Variants in GALNTL6 observed in about 807,000 individuals in gnomAD.
GALNTL6 encodes polypeptide N-acetylgalactosaminyltransferase-like 6.
In GALNTL6, 46 loss-of-function variants were observed where a neutral mutation model predicts 73.7. The ratio of observed to expected loss-of-function variants is 0.62; its 90% CI spans 0.49 to 0.80. The LOEUF (loss-of-function observed/expected upper bound fraction) is 0.80, where lower values mean the gene tolerates loss of function less well. Ranked by LOEUF, GALNTL6 falls within the 30% of genes least tolerant of loss-of-function variation. The pLI is 0.00. For missense variants in GALNTL6, 604 were observed against 755.0 expected (o/e 0.80, Z 2.34); for synonymous variants, 259 against 263.7 (o/e 0.98, Z 0.17).
chr4:171,995,591 C>T (rs1740462550), intron 2 of GALNTL6, among the ~76,000 whole-genome samples: 2 of 151,906 alleles, frequency 1.3e-5, no homozygotes, highest in Non-Finnish European at 2.9e-5. Context: ...CAGTCTTTCC[C>T]ACTTTTAGAA....
At chr4:172,444,618 G>T (rs1055868957) in intron 5 of GALNTL6, among the ~76,000 whole-genome samples, 3 of 152,110 alleles carry the variant, frequency 2.0e-5, no homozygotes, top group Non-Finnish European at 2.9e-5. Context: ...AAGTTGCTGT[G>T]CCATGATATG....
At chr4:172,282,227 G>A (rs1355586882) in intron 3 of GALNTL6, among the ~76,000 whole-genome samples, 1 of 152,142 alleles carries the variant, frequency 6.6e-6, no homozygotes, top group Admixed American at 6.5e-5. Context: ...AGAGATTTAA[G>A]CAAGACTTTC....
chr4:172,017,938 A>G (rs1741261529), intron 2 of GALNTL6, among the ~76,000 whole-genome samples: 1 of 151,552 alleles, frequency 6.6e-6, no homozygotes, highest in South Asian at 2.1e-4. Context: ...TCTGAAAATC[A>G]TCAGTGAGAA....
At chr4:171,898,354 G>C (rs1216253200) in intron 2 of GALNTL6, among the ~76,000 whole-genome samples, 1 of 151,892 alleles carries the variant, frequency 6.6e-6, no homozygotes, top group Non-Finnish European at 1.5e-5. Flanking sequence ...CTTATTCCTA[G>C]GTATCTACCC....
At chr4:171,826,280 A>T (rs968043431) in intron 2 of GALNTL6, among the ~76,000 whole-genome samples, 2 of 152,122 alleles carry the variant, frequency 1.3e-5, no homozygotes, top group Non-Finnish European at 2.9e-5. Flanking sequence ...TCATGTCATA[A>T]AACCAGAAAG....
intron 2 of GALNTL6, among the ~76,000 whole-genome samples, chr4:171,898,277 A>G (rs1295300147): frequency 2.0e-5 from 3 of 152,126 alleles, no homozygotes; most frequent in Admixed American, 6.5e-5. Flanking sequence ...GAAACACAAA[A>G]TGATACAGCC....
At chr4:173,004,291 C>CT (rs1359714899) in intron 10 of GALNTL6, among the ~76,000 whole-genome samples, 1 of 152,196 alleles carries the variant, frequency 6.6e-6, no homozygotes, top group Non-Finnish European at 1.5e-5. Context: ...CTAGTGTCTT[C>CT]TGTCTTTCCA....
At chr4:171,840,154 T>C (rs1735203127) in intron 2 of GALNTL6, among the ~76,000 whole-genome samples, 2 of 152,216 alleles carry the variant, frequency 1.3e-5, no homozygotes, top group South Asian at 4.1e-4. Flanking sequence ...GCTTAAAATA[T>C]ATTCTGAAAG....
chr4:172,011,398 T>TA (rs1741002496), intron 2 of GALNTL6, among the ~76,000 whole-genome samples: 1 of 152,076 alleles, frequency 6.6e-6, no homozygotes, highest in African/African-American at 2.4e-5. Flanking sequence ...AGAGTGTGGG[T>TA]GTGTCCTAAA....
chr4:172,759,083 C>A (rs1356113688), intron 5 of GALNTL6, among the ~76,000 whole-genome samples: 1 of 152,168 alleles, frequency 6.6e-6, no homozygotes. Context: ...TAGCTCTGAG[C>A]CTTCATCTGC....
intron 3 of GALNTL6, among the ~76,000 whole-genome samples, chr4:172,306,474 T>A (rs965753835): frequency 2.6e-5 from 4 of 152,246 alleles, no homozygotes; most frequent in Non-Finnish European, 5.9e-5. Flanking sequence ...TTTTCTTTTT[T>A]AATTATTTCC....
At chr4:172,131,065 A>C (rs943513692) in intron 2 of GALNTL6, among the ~76,000 whole-genome samples, 7 of 152,140 alleles carry the variant, frequency 4.6e-5, no homozygotes, top group Admixed American at 1.3e-4. Context: ...CAATCCTAAA[A>C]GTGTTCTATT....
intron 9 of GALNTL6, among the ~76,000 whole-genome samples, chr4:172,933,097 T>C (rs1480161451): frequency 1.3e-5 from 2 of 152,160 alleles, no homozygotes; most frequent in African/African-American, 4.8e-5. Context: ...CAGAAAACAA[T>C]AGTTCACAGG....
At chr4:172,446,775 C>T (rs1394332423) in intron 5 of GALNTL6, among the ~76,000 whole-genome samples, 4 of 152,176 alleles carry the variant, frequency 2.6e-5, no homozygotes, top group African/African-American at 9.6e-5. Context: ...TAGCCTTCAT[C>T]ATGTCCCCTT....
intron 12 of GALNTL6, among the ~76,000 whole-genome samples, chr4:173,026,638 G>A (rs1187664027): frequency 6.6e-6 from 1 of 152,186 alleles, no homozygotes; most frequent in Non-Finnish European, 1.5e-5. Flanking sequence ...TGATATGTTT[G>A]TTAGCCATTT....
intron 2 of GALNTL6, among the ~76,000 whole-genome samples, chr4:172,102,449 G>A (rs1287042908): frequency 6.6e-6 from 1 of 152,164 alleles, no homozygotes; most frequent in Non-Finnish European, 1.5e-5. Context: ...TTACTCTGAT[G>A]TTATCTTAAT....
At chr4:171,865,391 TC>T (rs1735943847) in intron 2 of GALNTL6, among the ~76,000 whole-genome samples, 1 of 152,114 alleles carries the variant, frequency 6.6e-6, no homozygotes. Context: ...GAGAAGGTCT[TC>T]GATTGTAGAG....
chr4:172,679,737 G>T (rs1383458060), intron 5 of GALNTL6, among the ~76,000 whole-genome samples: 1 of 152,048 alleles, frequency 6.6e-6, no homozygotes, highest in African/African-American at 2.4e-5. Flanking sequence ...TGTCCAAATG[G>T]TATAACTAAG....
intron 5 of GALNTL6, among the ~76,000 whole-genome samples, chr4:172,749,869 T>C (rs1217322934): frequency 7.8e-6 from 1 of 128,474 alleles, no homozygotes; most frequent in Admixed American, 7.3e-5. Flanking sequence ...AACCTTTTAA[T>C]TAGGTCATTC....
Sources: gnomAD v4.1 joint callset for allele counts (sites outside exome capture counted in the v4.1 genomes callset) on GRCh38, gnomAD v4.1.1 for gene constraint, MANE v1.5 for transcripts, NCBI Gene and HGNC (gene_info 2026-07-23, HGNC 2026-07-21) for gene names.